ADARB1: variants seen among roughly 807,000 people sequenced by gnomAD.
ADARB1 encodes the protein double-stranded RNA-specific editase 1.
ADARB1 carries 10 observed loss-of-function variants against 52.4 expected under a neutral mutation model. That is an observed-to-expected ratio of 0.19 (90% CI 0.12 to 0.32). The LOEUF is 0.32. ADARB1 is among the 10% of genes least tolerant of loss of function. The pLI, the probability that ADARB1 is intolerant of heterozygous loss-of-function variation, is 1.00. For missense variants in ADARB1, 643 were observed against 922.3 expected (o/e 0.70, Z 3.92); for synonymous variants, 349 against 371.1 (o/e 0.94, Z 0.68).
intron 2 of ADARB1, among the ~76,000 whole-genome samples, chr21:45,161,662 G>A (rs570649453): frequency 1.2e-3 from 177 of 152,320 alleles, no homozygotes; most frequent in African/African-American, 3.9e-3. Context: ...AGGCAGACAA[G>A]CTCCTGGGAA....
intron 1 of ADARB1, among the ~76,000 whole-genome samples, chr21:45,110,778 C>T (rs1358280291): frequency 6.6e-6 from 1 of 152,182 alleles, no homozygotes; most frequent in African/African-American, 2.4e-5. Context: ...AATCAGATCT[C>T]ATGGACAGAA....
rs1489243289 is a variant in ADARB1, at chr21:45,176,527, G to A, written c.826G>A (p.Gly276Ser). ...GGTCGTGGATGGTCAGTTCTTTGAAGGCTCGGGGAGAAACAAGAAGCTTGC... is the reference window on the plus strand; with the variant it reads ...GGTCGTGGATGGTCAGTTCTTTGAAAGCTCGGGGAGAAACAAGAAGCTTGC... ...SVVVDGQFFEGSGRNKKLAKA... is the reference protein window; with the variant it reads ...SVVVDGQFFESSGRNKKLAKA... The change falls in exon 4 of 11, where the codon GGC (glycine) becomes AGC (serine). Residue 276 changes from glycine to serine, a missense_variant. By Grantham distance (56) the Gly-to-Ser change is moderately conservative. This residue lies in a region of ADARB1 where 380 missense variants were observed against 446.5 expected (regional missense o/e 0.85). Coordinates refer to ENST00000348831, the MANE Select transcript of ADARB1 (RefSeq NM_001112.4). The surrounding 1 kb of genome is among the most constrained non-coding windows in gnomAD (Gnocchi z 5.8). 6.2e-7 allele frequency: 1 copy of A among 1,614,118 alleles called. No individual in the cohort carries two copies. The highest frequency in any genetic ancestry group is 8.5e-7 in the Non-Finnish European group (1 of 1,180,048).
chr21:45,124,266 T>C (rs1354694594), intron 1 of ADARB1, among the ~76,000 whole-genome samples: 4 of 152,262 alleles, frequency 2.6e-5, no homozygotes, highest in Non-Finnish European at 5.9e-5. Context: ...TTGGATTCAC[T>C]TTCTAGAGAA....
chr21:45,086,518 C>T (rs1197641245), intron 1 of ADARB1, among the ~76,000 whole-genome samples: 3 of 152,200 alleles, frequency 2.0e-5, no homozygotes, highest in African/African-American at 4.8e-5. Flanking sequence ...CTCAGGCAAC[C>T]GCTCAGGCAG....
intron 8 of ADARB1, among the ~76,000 whole-genome samples, chr21:45,202,089 G>T (rs2092566568): frequency 6.6e-6 from 1 of 152,030 alleles, no homozygotes; most frequent in Admixed American, 6.5e-5. Context: ...GGACTGTTTT[G>T]TGCCAGGGAA....
chr21:45,111,451 C>A (rs1031377653), intron 1 of ADARB1, among the ~76,000 whole-genome samples: 1 of 152,042 alleles, frequency 6.6e-6, no homozygotes, highest in Non-Finnish European at 1.5e-5. Flanking sequence ...CAGTTGATGA[C>A]CCCATGTTGA....
rs1468089294 is a variant in ADARB1, at chr21:45,208,530, A to T, written c.1747+3794A>T. On this transcript the variant is annotated intron_variant, in intron 9 of 10. Transcript: ENST00000348831. This position sits in a 1 kb window ranked among gnomAD's most constrained non-coding sequence, Gnocchi z 5.6. ...GAGACCATTTGACATTATGGGCAGG[A>T]AGAGCAAGGGAAGCTGGTTTAATGA... Among the ~76,000 whole-genome samples, 1 of 152,112 alleles carries T rather than the reference A, an allele frequency of 6.6e-6. No individual in the cohort carries two copies. The highest frequency in any genetic ancestry group is 2.4e-5 in the African/African-American group (1 of 41,420).
chr21:45,226,521 G>A lies in ADARB1; in HGVS notation c.*4324G>A, dbSNP rs2093061202. 6.6e-6 allele frequency: 1 copy of A among 152,622 alleles called. No individual in the cohort carries two copies. The highest frequency in any genetic ancestry group is 6.5e-5 in the Admixed American group (1 of 15,284). The allele number at this position is 152,622 out of a possible 1,614,324, so 9.5% of individuals were successfully genotyped here. A position where few individuals can be genotyped will look rare whatever the true frequency, so the allele number is the denominator to read the frequency against. ...TGAGACGCTGTCAAATACAGACAAA[G>A]GATTTGAGATGTTCTCAATAAAAAG... On this transcript the variant is annotated 3_prime_UTR_variant, in exon 11 of 11. Coordinates refer to ENST00000348831, the MANE Select transcript of ADARB1 (RefSeq NM_001112.4).
At chr21:45,211,285 G>A (rs1003718397) in intron 9 of ADARB1, among the ~76,000 whole-genome samples, 3 of 152,224 alleles carry the variant, frequency 2.0e-5, no homozygotes, top group Admixed American at 6.5e-5. Context: ...TGGCAGGTTG[G>A]TTTTGGACCC....
At chr21:45,210,777 C>G (rs1602007035) in intron 9 of ADARB1, among the ~76,000 whole-genome samples, 1 of 152,260 alleles carries the variant, frequency 6.6e-6, no homozygotes, top group Non-Finnish European at 1.5e-5. Flanking sequence ...TGGACGAAGA[C>G]AGTGCACGAG....
At position 45,225,631 on chromosome 21, in the gene ADARB1, C is replaced by A; in HGVS notation, c.*3434C>A. On this transcript the variant is annotated 3_prime_UTR_variant, in exon 11 of 11. Transcript: ENST00000348831. ...AGCGAAGCTGTGGAGACTGCACATCCGGACCTGCCCATGTCTCAAAACAAA... is the reference window on the plus strand; with the variant it reads ...AGCGAAGCTGTGGAGACTGCACATCAGGACCTGCCCATGTCTCAAAACAAA... The A allele has an allele frequency of 8.2e-7, 1 of 1,214,592 alleles. No homozygotes were observed. Among genetic ancestry groups the A allele is most frequent in the Non-Finnish European group, 1.1e-6 (1 of 932,116 alleles). 75.2% of individuals were successfully genotyped at this position (1,214,592 alleles called of 1,614,324 possible). A position where few individuals can be genotyped will look rare whatever the true frequency, so the allele number is the denominator to read the frequency against.
intron 1 of ADARB1, among the ~76,000 whole-genome samples, chr21:45,112,909 C>T (rs538042852): frequency 2.1e-4 from 32 of 152,038 alleles, no homozygotes; most frequent in African/African-American, 6.8e-4. Context: ...TGAGGGGCCA[C>T]GTGTGTCCTG....
intron 1 of ADARB1, among the ~76,000 whole-genome samples, chr21:45,104,458 GAC>G (rs1165537273): frequency 2.0e-5 from 3 of 152,190 alleles, no homozygotes; most frequent in Non-Finnish European, 4.4e-5. Context: ...GGTCAGTGGA[GAC>G]ACAGTGGGGG....
At chr21:45,148,614 A>G (rs1019430405) in intron 2 of ADARB1, among the ~76,000 whole-genome samples, 4 of 152,202 alleles carry the variant, frequency 2.6e-5, no homozygotes, top group Non-Finnish European at 5.9e-5. Context: ...GTGAAAAATC[A>G]GGGCTCTGAG....
At chr21:45,186,094 T>TTG (rs1351305134) in intron 8 of ADARB1, among the ~76,000 whole-genome samples, 5 of 152,150 alleles carry the variant, frequency 3.3e-5, no homozygotes, top group Non-Finnish European at 5.9e-5. Context: ...TATGTCAACT[T>TTG]TGTGTGTGTG....
chr21:45,201,884 G>A (rs968801217), intron 8 of ADARB1, among the ~76,000 whole-genome samples: 3 of 152,150 alleles, frequency 2.0e-5, no homozygotes, highest in African/African-American at 7.2e-5. Flanking sequence ...CTTTTGTACA[G>A]GGACCTAAAG....
At chr21:45,166,506 G>C (rs1387362080) in intron 2 of ADARB1, among the ~76,000 whole-genome samples, 1 of 152,238 alleles carries the variant, frequency 6.6e-6, no homozygotes, top group Admixed American at 6.5e-5. Flanking sequence ...GTCTGGATGT[G>C]TTGTGTCTGA....
chr21:45,101,490 G>A (rs2087014279), intron 1 of ADARB1, among the ~76,000 whole-genome samples: 2 of 152,218 alleles, frequency 1.3e-5, no homozygotes, highest in Non-Finnish European at 2.9e-5. Flanking sequence ...AGGCTTTGAC[G>A]TTATGATTAA....
intron 1 of ADARB1, among the ~76,000 whole-genome samples, chr21:45,087,256 G>A (rs2086382517): frequency 6.6e-6 from 1 of 152,158 alleles, no homozygotes; most frequent in African/African-American, 2.4e-5. Flanking sequence ...AAATACATTC[G>A]GAATAACCTA....
Sources: gnomAD v4.1 joint callset for allele counts (sites outside exome capture counted in the v4.1 genomes callset) on GRCh38, gnomAD v4.1.1 for gene constraint, gnomAD v4.1.1 regional missense constraint, Gnocchi (gnomAD v3.1) non-coding constraint, MANE v1.5 for transcripts, NCBI Gene and HGNC (gene_info 2026-07-23, HGNC 2026-07-21) for gene names.